The following MIER1 variants were observed in gnomAD, a reference collection of about 807,000 sequenced individuals.
The protein encoded by MIER1 is MIER1 transcriptional regulator.
In MIER1, 40 loss-of-function variants were observed where a neutral mutation model predicts 75.7. The ratio of observed to expected loss-of-function variants is 0.53; its 90% confidence interval spans 0.41 to 0.69. The LOEUF is 0.69. Ranked by LOEUF, MIER1 falls within the 30% of genes least tolerant of loss-of-function variation. The pLI is 0.00. For synonymous variants in MIER1, 213 were observed against 223.4 expected (o/e 0.95, Z 0.42); for missense variants, 574 against 680.2 (o/e 0.84, Z 1.74).
chr1:66,964,348 C>T lies in MIER1; in HGVS notation c.772+1188C>T, dbSNP rs149305809. ...TCGGCCGCCCATAGTGCTGGGATTA[C>T]AGGTGTGAGCCACCATGCCTGGCTG... On this transcript the variant is annotated intron_variant, in intron 8 of 13. Transcript: ENST00000401041. Among the ~76,000 whole-genome samples the T allele has an allele frequency of 1.4e-3, 215 of 151,546 alleles. 4 individuals carry two copies. The East Asian group carries it at 0.039, about 28-fold the overall frequency.
intron 4 of MIER1, chr1:66,947,852 A>G (rs1658033682): frequency 2.5e-6 from 2 of 805,920 alleles, no homozygotes; most frequent in South Asian, 1.1e-4. Context: ...TAAATAGGCT[A>G]GTTTCTTCTG....
chr1:66,945,792 G>A (rs926851288), intron 3 of MIER1, among the ~76,000 whole-genome samples: 14 of 152,234 alleles, frequency 9.2e-5, no homozygotes, highest in South Asian at 2.1e-4. Context: ...CTAGGAGGTC[G>A]AGGCTGCAGT....
In MIER1 at chr1:66,959,701, T is replaced by A. The variant is rs189092542; in HGVS notation, c.657T>A (p.Ser219=). 2 of 1,440,518 alleles carry A rather than the reference T, an allele frequency of 1.4e-6. No homozygotes were observed. The highest frequency in any genetic ancestry group is 5.2e-5 in the East Asian group (2 of 38,392). 89.2% of individuals were successfully genotyped at this position (1,440,518 alleles called of 1,614,324 possible). A position where few individuals can be genotyped will look rare whatever the true frequency, so the allele number is the denominator to read the frequency against. The part of the protein sequence containing the change: ...FDTNSEVEEE[S]EEDEDYIPSE... ...TAGATAGTGAAGTAGAAGAAGAATC[T>A]GAAGAAGATGAAGATTATATTCCAT... Residue 219 remains serine (S), a synonymous_variant, in exon 7 of 14, where the codon TCT becomes TCA. Transcript: ENST00000401041.
At chr1:66,951,961 T>C (rs1659068698) in intron 4 of MIER1, among the ~76,000 whole-genome samples, 1 of 152,206 alleles carries the variant, frequency 6.6e-6, no homozygotes, top group Admixed American at 6.5e-5. Flanking sequence ...CTTATTTCAG[T>C]GTGGGACTTA....
In MIER1 at chr1:66,988,191, G is replaced by A. The variant is rs557987233; in HGVS notation, c.*3291G>A. On this transcript the variant is annotated 3_prime_UTR_variant, in exon 14 of 14. Coordinates refer to ENST00000401041, the MANE Select transcript of MIER1 (RefSeq NM_001077700.3). ...CCATATTCATGAAAAATGCCAGTGT[G>A]GAAAACCATGTAACATACAGAAGAA... is the stretch of plus-strand genomic sequence containing the variant. 2 of 152,248 alleles carry A rather than the reference G, an allele frequency of 1.3e-5. No individual in the cohort carries two copies. Among genetic ancestry groups the A allele is most frequent in the East Asian group, 1.9e-4 (1 of 5,318 alleles). The allele number at this position is 152,248 out of a possible 1,614,324, so 9.4% of individuals were successfully genotyped here.
At chr1:66,963,503 A>C (rs1661672104) in intron 8 of MIER1, among the ~76,000 whole-genome samples, 1 of 152,174 alleles carries the variant, frequency 6.6e-6, no homozygotes, top group African/African-American at 2.4e-5. Context: ...TAGTTTTTAG[A>C]AGTCCATTTT....
chr1:66,976,845 G>T, intron 12 of MIER1, 123 bp downstream of exon 12: 1 of 771,968 alleles, frequency 1.3e-6, no homozygotes, highest in Non-Finnish European at 1.9e-6. Flanking sequence ...CCAGAAGGCC[G>T]AGAGTGATAA....
chr1:66,929,166 T>C, intron 2 of MIER1: 1 of 624,966 alleles, frequency 1.6e-6, no homozygotes, highest in East Asian at 2.9e-5. Context: ...GTATTAACTT[T>C]AAGAAAAATT....
At chr1:66,930,452 T>C (rs1326103161) in intron 2 of MIER1, 6 of 1,570,870 alleles carry the variant, frequency 3.8e-6, no homozygotes, top group Admixed American at 1.7e-5. Flanking sequence ...CCCCCGGCCC[T>C]GGGCCGGGGA....
chr1:66,950,740 G>A (rs1031305022), intron 4 of MIER1, among the ~76,000 whole-genome samples: 1 of 151,584 alleles, frequency 6.6e-6, no homozygotes, highest in Non-Finnish European at 1.5e-5. Context: ...AGAAATCTCA[G>A]TGTGAGGATT....
At chr1:66,930,900 A>G (rs1653115525) in intron 2 of MIER1, among the ~76,000 whole-genome samples, 1 of 152,134 alleles carries the variant, frequency 6.6e-6, no homozygotes, top group Non-Finnish European at 1.5e-5. Context: ...TGATCGTGGT[A>G]AAATGAGAGT....
intron 2 of MIER1, chr1:66,930,374 C>A: frequency 6.2e-7 from 1 of 1,607,694 alleles, no homozygotes; most frequent in Non-Finnish European, 8.5e-7. Context: ...GGAGATGTGA[C>A]CCGGCAGTAC....
At chr1:66,935,940 ACT>A (rs201957541) in intron 2 of MIER1, among the ~76,000 whole-genome samples, 6,928 of 152,200 alleles carry the variant, frequency 0.046, 187 homozygotes, top group Middle Eastern at 0.085. Flanking sequence ...TAATGCATGG[ACT>A]TTAAATGTTT....
intron 2 of MIER1, chr1:66,930,365 G>A (rs953285546): frequency 1.2e-6 from 2 of 1,607,126 alleles, no homozygotes; most frequent in African/African-American, 2.7e-5. Flanking sequence ...GGCCGCCGCG[G>A]AGATGTGACC....
At chr1:66,927,253 G>A (rs745528375) in intron 2 of MIER1, among the ~76,000 whole-genome samples, 4 of 152,078 alleles carry the variant, frequency 2.6e-5, no homozygotes, top group Non-Finnish European at 5.9e-5. Context: ...CTGAAAATAA[G>A]GAGGCTTTTA....
At chr1:66,963,348 G>A (rs1285944924) in intron 8 of MIER1, among the ~76,000 whole-genome samples, 188 bp downstream of exon 8, 1 of 152,006 alleles carries the variant, frequency 6.6e-6, no homozygotes. Flanking sequence ...TTTTCAGTTT[G>A]GTCTATAGAA....
chr1:66,984,769 G>GA lies in MIER1; in HGVS notation c.1573dup (p.Ser525LysfsTer2). 1.2e-6 allele frequency: 2 copies of GA among 1,613,894 alleles called. No homozygotes were observed. Among genetic ancestry groups the GA allele is most frequent in the African/African-American group, 1.3e-5 (1 of 75,026 alleles). ...TGCAAGAAATGAAAATGATTTTGAT[G>GA]AAAAAAGTGAGAGACCTGCCAAAAG... On this transcript the variant is annotated frameshift_variant, in exon 14 of 14. Transcript: ENST00000401041. LOFTEE classifies it high-confidence loss of function.
intron 2 of MIER1, among the ~76,000 whole-genome samples, chr1:66,938,501 G>C (rs1655445099): frequency 6.6e-6 from 1 of 152,044 alleles, no homozygotes; most frequent in Non-Finnish European, 1.5e-5. Context: ...AAACACAAGT[G>C]GATTAATATT....
intron 4 of MIER1, 56 bp from the exon 5 acceptor site, chr1:66,958,003 C>A: frequency 8.9e-7 from 1 of 1,124,252 alleles, no homozygotes. Flanking sequence ...GGATTATAGC[C>A]TGGGAATCAG....
Sources: gnomAD v4.1 joint callset for allele counts (sites outside exome capture counted in the v4.1 genomes callset) on GRCh38, gnomAD v4.1.1 for gene constraint, MANE v1.5 for transcripts, NCBI Gene and HGNC (gene_info 2026-07-23, HGNC 2026-07-21) for gene names.